Variants in PTPN21 observed in about 807,000 individuals in gnomAD.
The protein encoded by PTPN21 is protein tyrosine phosphatase non-receptor type 21.
Under a neutral mutation model 131.8 loss-of-function variants are expected in PTPN21, and 77 were observed. That is an observed-to-expected ratio of 0.58 (90% CI 0.49 to 0.71). The LOEUF (loss-of-function observed/expected upper bound fraction) is 0.71, where lower values mean the gene tolerates loss of function less well. PTPN21 is among the 30% of genes least tolerant of loss of function. The probability of loss-of-function intolerance (pLI) is 0.00; values close to 1 mark genes in which losing one functional copy is unlikely to be tolerated. For synonymous variants in PTPN21, 715 were observed against 621.3 expected (o/e 1.15, Z -2.24); for missense variants, 1,552 against 1,527.1 (o/e 1.02, Z -0.27).
chr14:88,506,290 C>T (rs771475550), intron 4 of PTPN21, among the ~76,000 whole-genome samples: 2 of 152,102 alleles, frequency 1.3e-5, no homozygotes, highest in Non-Finnish European at 2.9e-5. Context: ...CAGTGCGCCA[C>T]GATCACATCA....
rs2077365835 is a variant in PTPN21, at chr14:88,466,538, A to G, written c.*1599T>C. 1 of 152,242 alleles carries G rather than the reference A, an allele frequency of 6.6e-6. No individual in the cohort carries two copies. The highest frequency in any genetic ancestry group is 1.5e-5 in the Non-Finnish European group (1 of 68,052). The allele number at this position is 152,242 out of a possible 1,614,324, so 9.4% of individuals were successfully genotyped here. On this transcript the variant is annotated 3_prime_UTR_variant, in exon 19 of 19. Transcript: ENST00000556564. The stretch of plus-strand genomic sequence containing the variant: ...TTTGGGAAACAGCCCTAGATTTGAC[A>G]TTTTGGAAGTTCACTGTAAGAAGAG...
At position 88,480,246 on chromosome 14, in the gene PTPN21, G is replaced by A. The variant is rs1361954860; in HGVS notation, c.1185C>T (p.Tyr395=). 6.2e-7 allele frequency: 1 copy of A among 1,614,130 alleles called. No homozygotes were observed. The highest frequency in any genetic ancestry group is 1.7e-5 in the Admixed American group (1 of 60,032). Residue 395 remains tyrosine (Y), a synonymous_variant, in exon 13 of 19, where the codon TAC becomes TAT. Transcript: ENST00000556564. ...LNGRIRNGSV[Y]SAHSTNSLNN... Reference sequence around the variant, plus strand: ...TTAAGGAGTTGGTGCTGTGTGCACTGTAGACACTGCCATTACGGATCCGAC... The same window carrying A: ...TTAAGGAGTTGGTGCTGTGTGCACTATAGACACTGCCATTACGGATCCGAC...
chr14:88,477,446 TAAAAAAAA>T (rs59381948), intron 13 of PTPN21, among the ~76,000 whole-genome samples: 14 of 76,384 alleles, frequency 1.8e-4, no homozygotes, highest in African/African-American at 4.9e-4. Context: ...AAGACTGTTC[TAAAAAAAA>T]AAAAAAAAAA....
At chr14:88,505,416 A>G (rs1236086963) in intron 4 of PTPN21, 45 bp from the exon 5 acceptor site, 2 of 1,342,428 alleles carry the variant, frequency 1.5e-6, no homozygotes, top group Non-Finnish European at 2.1e-6. Flanking sequence ...TTTAAATTTC[A>G]TTGCAAAATA....
intron 3 of PTPN21, among the ~76,000 whole-genome samples, chr14:88,516,533 A>C (rs1487148511): frequency 6.6e-6 from 1 of 152,128 alleles, no homozygotes. Flanking sequence ...AAGAATAAGA[A>C]CACTTAGTTC....
At chr14:88,508,402 G>T (rs572355755) in intron 3 of PTPN21, among the ~76,000 whole-genome samples, 1 of 152,094 alleles carries the variant, frequency 6.6e-6, no homozygotes, top group East Asian at 1.9e-4. Flanking sequence ...CCTAGTGCTT[G>T]GATTCAAAAT....
At chr14:88,505,647 A>G (rs2078076777) in intron 4 of PTPN21, among the ~76,000 whole-genome samples, 1 of 152,240 alleles carries the variant, frequency 6.6e-6, no homozygotes, top group African/African-American at 2.4e-5. Flanking sequence ...AAATGCAAAC[A>G]AAACCTACCC....
At chr14:88,518,692 A>C (rs1164087286) in intron 2 of PTPN21, among the ~76,000 whole-genome samples, 1 of 151,090 alleles carries the variant, frequency 6.6e-6, no homozygotes, top group African/African-American at 2.4e-5. Flanking sequence ...CGGCCTCCCA[A>C]AGTGCTAGGA....
intron 2 of PTPN21, among the ~76,000 whole-genome samples, chr14:88,541,837 G>C (rs2078710668): frequency 6.6e-6 from 1 of 152,184 alleles, no homozygotes; most frequent in African/African-American, 2.4e-5. Flanking sequence ...CATCCTTCCA[G>C]CATCTTTCAC....
At chr14:88,516,519 GA>G (rs1195796228) in intron 3 of PTPN21, among the ~76,000 whole-genome samples, 1 of 152,072 alleles carries the variant, frequency 6.6e-6, no homozygotes, top group Non-Finnish European at 1.5e-5. Context: ...TCTTCAGGGG[GA>G]AAAAGAATAA....
intron 2 of PTPN21, among the ~76,000 whole-genome samples, chr14:88,548,156 C>T: frequency 6.6e-6 from 1 of 152,166 alleles, no homozygotes. Context: ...CCCTATCCAA[C>T]TCCAGGTGGC....
At chr14:88,524,318 T>C (rs1278957939) in intron 2 of PTPN21, among the ~76,000 whole-genome samples, 1 of 152,178 alleles carries the variant, frequency 6.6e-6, no homozygotes, top group African/African-American at 2.4e-5. Context: ...AATGAACCTA[T>C]GCATCTACAG....
intron 2 of PTPN21, among the ~76,000 whole-genome samples, chr14:88,541,977 T>A (rs2078712628): frequency 6.6e-6 from 1 of 150,676 alleles, no homozygotes; most frequent in African/African-American, 2.4e-5. Context: ...GGGGAGAGAG[T>A]GGCTATGAAC....
chr14:88,523,289 C>T lies in PTPN21; in HGVS notation c.181-6028G>A, dbSNP rs115112021. Among the ~76,000 whole-genome samples the T allele has an allele frequency of 6.0e-3, 909 of 152,060 alleles. 11 individuals carry two copies. The highest frequency in any genetic ancestry group is 0.021 in the African/African-American group (878 of 41,480). On this transcript the variant is annotated intron_variant, in intron 2 of 18. Coordinates refer to ENST00000556564, the MANE Select transcript of PTPN21 (RefSeq NM_007039.4). ...TCCCAGGACTGCAAGGGTGGTAAAA[C>T]ATACCCCCCAAAATCATTATACCAT...
At chr14:88,471,128 T>C (rs1004334435) in intron 15 of PTPN21, among the ~76,000 whole-genome samples, 9 of 152,210 alleles carry the variant, frequency 5.9e-5, no homozygotes, top group African/African-American at 2.2e-4. Context: ...AGTATGTGCA[T>C]AGATTCCCAA....
chr14:88,501,683 A>T (rs2078010430), intron 6 of PTPN21, among the ~76,000 whole-genome samples: 1 of 152,164 alleles, frequency 6.6e-6, no homozygotes, highest in Non-Finnish European at 1.5e-5. Context: ...ATTGCTTATT[A>T]TCCCAAATAT....
chr14:88,551,457 G>A (rs1469858513), intron 1 of PTPN21: 1 of 152,232 alleles, frequency 6.6e-6, no homozygotes, highest in Admixed American at 6.5e-5. Flanking sequence ...CCTCCCCTTG[G>A]GAAGAGCACG....
rs200614984 is a variant in PTPN21, at chr14:88,469,566, G to C, written c.3168C>G (p.Thr1056=). The change falls in exon 17 of 19, where the codon ACC becomes ACG. Residue 1056 remains threonine, a synonymous_variant. Transcript: ENST00000556564. The surrounding 1 kb of genome is among the most constrained non-coding windows in gnomAD (Gnocchi z 4.3). ...AGTCTGTGTATTGGAGGTGCCAGAC[G>C]GTCCTCTCTTGCCCAGTAAGGAGGT... ...MKHLLTGQER[T]VWHLQYTDWP... The C allele has an allele frequency of 1.4e-5, 23 of 1,614,114 alleles. No individual in the cohort carries two copies. In the East Asian group the frequency reaches 5.1e-4, roughly 36 times the overall value.
chr14:88,528,411 G>T (rs1042194589), intron 2 of PTPN21, among the ~76,000 whole-genome samples: 4 of 152,076 alleles, frequency 2.6e-5, no homozygotes, highest in African/African-American at 9.7e-5. Flanking sequence ...TTTTCCAGCT[G>T]TTATAAAAGA....
Sources: gnomAD v4.1 joint callset for allele counts (sites outside exome capture counted in the v4.1 genomes callset) on GRCh38, gnomAD v4.1.1 for gene constraint, Gnocchi (gnomAD v3.1) non-coding constraint, MANE v1.5 for transcripts, NCBI Gene and HGNC (gene_info 2026-07-23, HGNC 2026-07-21) for gene names.